TTC17: variants seen among roughly 807,000 people sequenced by gnomAD.
TTC17 encodes tetratricopeptide repeat protein 17.
Under a neutral mutation model 143.8 loss-of-function variants are expected in TTC17, and 58 were observed. The ratio of observed to expected loss-of-function variants is 0.40; its 90% confidence interval spans 0.33 to 0.50. The LOEUF (loss-of-function observed/expected upper bound fraction) is 0.50, where lower values mean the gene tolerates loss of function less well. Among genes scored for constraint, TTC17 ranks in the 20% least tolerant of loss-of-function variants. The pLI is 0.49. For synonymous variants in TTC17, 501 were observed against 497.8 expected, an observed-to-expected ratio of 1.01 and a Z score of -0.09; for missense variants, 1,273 against 1,392.5, an observed-to-expected ratio of 0.91 and a Z score of 1.37.
intron 21 of TTC17, among the ~76,000 whole-genome samples, chr11:43,486,162 C>CA (rs928709345): frequency 1.3e-5 from 2 of 151,870 alleles, no homozygotes; most frequent in African/African-American, 2.4e-5. Context: ...CATAGTCCCC[C>CA]CCTTATTTGC....
At chr11:43,381,333 A>G (rs1219251113) in intron 2 of TTC17, among the ~76,000 whole-genome samples, 4 of 152,224 alleles carry the variant, frequency 2.6e-5, no homozygotes, top group African/African-American at 9.6e-5. Flanking sequence ...GAGGAGAAGC[A>G]CTAAATTGGG....
At chr11:43,427,100 A>T (rs1202699014) in intron 16 of TTC17, among the ~76,000 whole-genome samples, 1 of 152,186 alleles carries the variant, frequency 6.6e-6, no homozygotes. Context: ...TAAATATCAT[A>T]CTTACTACCT....
chr11:43,401,771 G>A, intron 10 of TTC17: 2 of 450,636 alleles, frequency 4.4e-6, no homozygotes, highest in Admixed American at 4.0e-5. Flanking sequence ...GAGCCCAGGA[G>A]TTCAAGACCA....
intron 11 of TTC17, 120 bp downstream of exon 11, chr11:43,404,264 G>T: frequency 1.1e-6 from 1 of 893,978 alleles, no homozygotes; most frequent in South Asian, 2.7e-5. Flanking sequence ...TTCAGCAAAC[G>T]TGTAGTACAT....
In TTC17 at chr11:43,462,724, A is replaced by G. The variant is rs567687225; in HGVS notation, c.3030+11459A>G. 6.6e-5 allele frequency among the ~76,000 whole-genome samples: 10 copies of G among 152,324 alleles called. No individual in the cohort carries two copies. The East Asian group carries it at 1.9e-3, about 29-fold the overall frequency. On this transcript the variant is annotated intron_variant, in intron 21 of 23. Transcript: ENST00000039989. ...GTATGTTCTGTAAACTGTATGCACC[A>G]AAGAACATAATCTAAAATATATAAG...
At chr11:43,368,444 A>G (rs1188266625) in intron 1 of TTC17, among the ~76,000 whole-genome samples, 1 of 152,050 alleles carries the variant, frequency 6.6e-6, no homozygotes, top group Non-Finnish European at 1.5e-5. Context: ...CAGGTCCAAA[A>G]TTTTGGTATC....
chr11:43,430,326 G>A (rs1947124512), intron 16 of TTC17, among the ~76,000 whole-genome samples: 1 of 152,164 alleles, frequency 6.6e-6, no homozygotes. Flanking sequence ...TACTCGAGAG[G>A]CTGAGGTGGG....
chr11:43,367,610 A>G (rs1856395285), intron 1 of TTC17, among the ~76,000 whole-genome samples: 2 of 152,194 alleles, frequency 1.3e-5, no homozygotes, highest in African/African-American at 4.8e-5. Context: ...CACGTCAAAA[A>G]TTAGAACAAC....
chr11:43,420,763 A>T (rs977995694), intron 16 of TTC17, among the ~76,000 whole-genome samples: 4 of 152,116 alleles, frequency 2.6e-5, no homozygotes, highest in African/African-American at 9.7e-5. Context: ...TTTAATGTGA[A>T]TTTTTTGTCC....
chr11:43,381,971 C>T (rs1362080728), intron 2 of TTC17, among the ~76,000 whole-genome samples: 1 of 152,108 alleles, frequency 6.6e-6, no homozygotes, highest in Non-Finnish European at 1.5e-5. Context: ...ATGGATGTCA[C>T]GTGGGCAGTT....
chr11:43,412,454 C>T (rs956271576), intron 15 of TTC17, among the ~76,000 whole-genome samples: 1 of 151,914 alleles, frequency 6.6e-6, no homozygotes, highest in Non-Finnish European at 1.5e-5. Context: ...GAGACCTTGT[C>T]TCAAAAAAAG....
At chr11:43,383,361 AT>A (rs797013344) in intron 2 of TTC17, among the ~76,000 whole-genome samples, 2 of 151,834 alleles carry the variant, frequency 1.3e-5, no homozygotes, top group African/African-American at 4.8e-5. Context: ...TTTTTTTATT[AT>A]TTTTTTGAGA....
intron 16 of TTC17, chr11:43,435,077 TGATAGATAGATAGATAGATAGATAGATA>T (rs35185017): frequency 1.4e-5 from 2 of 144,394 alleles, no homozygotes; most frequent in East Asian, 4.1e-4. Flanking sequence ...ACAGATAAGA[TGATAGATAGATAGATAGATAGATAGATA>T]GATAGATAGA....
intron 1 of TTC17, chr11:43,370,124 G>A (rs1313006542): frequency 2.2e-6 from 1 of 454,370 alleles, no homozygotes; most frequent in Non-Finnish European, 4.4e-6. Context: ...GTGGAAGCTG[G>A]GCTGCTATTT....
chr11:43,457,451 C>G (rs1947784754), intron 21 of TTC17, among the ~76,000 whole-genome samples: 1 of 151,174 alleles, frequency 6.6e-6, no homozygotes, highest in African/African-American at 2.4e-5. Flanking sequence ...TGCAAAGAAG[C>G]AAGAATGTAT....
intron 16 of TTC17, among the ~76,000 whole-genome samples, chr11:43,426,447 A>G (rs192274877): frequency 6.6e-6 from 1 of 152,370 alleles, no homozygotes; most frequent in Non-Finnish European, 1.5e-5. Context: ...ACGGGTAAGT[A>G]GATATGTTCA....
chr11:43,370,032 A>G (rs1219503899), intron 1 of TTC17: 1 of 451,570 alleles, frequency 2.2e-6, no homozygotes, highest in Non-Finnish European at 4.4e-6. Context: ...ATACAATGAA[A>G]TGTTTCTAGT....
intron 1 of TTC17, among the ~76,000 whole-genome samples, chr11:43,370,807 T>C (rs1011671396): frequency 6.6e-6 from 1 of 151,658 alleles, no homozygotes; most frequent in East Asian, 1.9e-4. Context: ...TTTGTTTGTT[T>C]GTTTGTTTGT....
chr11:43,433,023 A>G (rs1433639779), intron 16 of TTC17, among the ~76,000 whole-genome samples: 2 of 136,072 alleles, frequency 1.5e-5, no homozygotes, highest in Non-Finnish European at 1.5e-5. Context: ...TTTGTTGGAG[A>G]TGGAATCTCG....
Sources: allele counts gnomAD v4.1 joint callset (sites outside exome capture counted in the v4.1 genomes callset), GRCh38; gene constraint gnomAD v4.1.1; transcripts MANE v1.5; gene names NCBI Gene and HGNC (gene_info 2026-07-23, HGNC 2026-07-21).